MZT1: variants seen among roughly 807,000 people sequenced by gnomAD.
MZT1 encodes the protein mitotic spindle organizing protein 1.
A neutral mutation model predicts 8.5 loss-of-function variants in MZT1; 8 were observed. That is an observed-to-expected ratio of 0.94 (90% CI 0.55 to 1.70). The LOEUF is 1.70. Ranked by LOEUF, MZT1 falls within the 40% of genes most tolerant of loss-of-function variation. MZT1 has a pLI of 0.00. For synonymous variants in MZT1, 38 were observed against 42.0 expected, an observed-to-expected ratio of 0.90 and a Z score of 0.37; for missense variants, 93 against 108.6, an observed-to-expected ratio of 0.86 and a Z score of 0.64.
In MZT1 at chr13:72,708,372, C is replaced by T. The variant is rs1408915174; in HGVS notation, c.*1950G>A. The stretch of plus-strand genomic sequence containing the variant: ...AAAACAAAAGTACAGGCCAATACCA[C>T]CAAAATGGTTTTATTTTTGTCATTG... On this transcript the variant is annotated 3_prime_UTR_variant, in exon 3 of 3. Transcript: ENST00000377818. The T allele has an allele frequency of 6.6e-6, 1 of 152,342 alleles. No homozygotes were observed. Among genetic ancestry groups the T allele is most frequent in the African/African-American group, 2.4e-5 (1 of 41,346 alleles). 9.4% of individuals were successfully genotyped at this position (152,342 alleles called of 1,614,324 possible).
intron 1 of MZT1, among the ~76,000 whole-genome samples, chr13:72,723,380 C>T (rs927387394): frequency 2.0e-5 from 3 of 152,132 alleles, no homozygotes; most frequent in Non-Finnish European, 4.4e-5. Context: ...ACTCCTAATT[C>T]CAAAATCTGA....
At chr13:72,718,833 A>T in intron 2 of MZT1, 119 bp downstream of exon 2, 1 of 938,750 alleles carries the variant, frequency 1.1e-6, no homozygotes, top group Non-Finnish European at 1.5e-6. Context: ...CTGGTCTTCT[A>T]GTGGTGTTGC....
chr13:72,716,547 T>A (rs2032536819), intron 2 of MZT1, among the ~76,000 whole-genome samples: 1 of 152,124 alleles, frequency 6.6e-6, no homozygotes, highest in Non-Finnish European at 1.5e-5. Flanking sequence ...TTCTTAAAGG[T>A]AAGAAAAAAG....
chr13:72,719,830 AAC>A (rs1360841675), intron 1 of MZT1, among the ~76,000 whole-genome samples: 1 of 152,226 alleles, frequency 6.6e-6, no homozygotes, highest in East Asian at 1.9e-4. Flanking sequence ...GAGAAGCACA[AAC>A]AGAGAAACTT....
chr13:72,714,599 G>A (rs1452815879), intron 2 of MZT1, among the ~76,000 whole-genome samples: 1 of 152,212 alleles, frequency 6.6e-6, no homozygotes, highest in African/African-American at 2.4e-5. Context: ...ATGGTTTTAT[G>A]GGCCAGGCTC....
At chr13:72,719,149 A>G (rs1411660505) in intron 1 of MZT1, 52 bp from the exon 2 acceptor site, 2 of 1,386,780 alleles carry the variant, frequency 1.4e-6, no homozygotes, top group Non-Finnish European at 1.9e-6. Flanking sequence ...GCATTTAAAA[A>G]TATGCATATA....
chr13:72,726,306 C>A (rs974360337), intron 1 of MZT1, among the ~76,000 whole-genome samples: 1 of 152,132 alleles, frequency 6.6e-6, no homozygotes, highest in African/African-American at 2.4e-5. Context: ...TGGCGGGCAC[C>A]TGTAATCCCA....
chr13:72,724,523 C>T (rs1241192669), intron 1 of MZT1, among the ~76,000 whole-genome samples: 1 of 145,942 alleles, frequency 6.9e-6, no homozygotes, highest in Non-Finnish European at 1.5e-5. Flanking sequence ...TCTCTTAACT[C>T]CTTTCTCTAT....
chr13:72,712,041 A>T (rs970848278), intron 2 of MZT1, among the ~76,000 whole-genome samples: 36 of 152,108 alleles, frequency 2.4e-4, no homozygotes, highest in South Asian at 2.3e-3. Flanking sequence ...ATTTTTTTTT[A>T]AATTTTTTGT....
chr13:72,726,354 C>A (rs1168283040), intron 1 of MZT1, among the ~76,000 whole-genome samples: 1 of 152,014 alleles, frequency 6.6e-6, no homozygotes, highest in African/African-American at 2.4e-5. Flanking sequence ...TCGCCTGAAC[C>A]CGGGAGGCGG....
intron 2 of MZT1, among the ~76,000 whole-genome samples, chr13:72,711,952 T>C (rs2032492824): frequency 6.6e-6 from 1 of 152,214 alleles, no homozygotes; most frequent in South Asian, 2.1e-4. Flanking sequence ...AACACTTTTA[T>C]TTTTAAAATA....
At chr13:72,721,294 T>C (rs1423644192) in intron 1 of MZT1, among the ~76,000 whole-genome samples, 3 of 152,212 alleles carry the variant, frequency 2.0e-5, no homozygotes, top group East Asian at 1.9e-4. Context: ...CCCCTTATGA[T>C]TGAGGTAAGA....
chr13:72,711,367 T>C (rs750910581), intron 2 of MZT1, among the ~76,000 whole-genome samples: 6 of 152,174 alleles, frequency 3.9e-5, no homozygotes, highest in Non-Finnish European at 7.4e-5. Flanking sequence ...GAGTAACTTA[T>C]GTAATTAGGG....
chr13:72,727,390 G>A (rs2032684512), intron 1 of MZT1, 134 bp downstream of exon 1: 1 of 879,166 alleles, frequency 1.1e-6, no homozygotes, highest in Non-Finnish European at 1.9e-6. Context: ...GCCCTGGCAG[G>A]TCCCTACCAA....
At chr13:72,713,764 T>C (rs2032509405) in intron 2 of MZT1, among the ~76,000 whole-genome samples, 1 of 152,212 alleles carries the variant, frequency 6.6e-6, no homozygotes, top group Non-Finnish European at 1.5e-5. Flanking sequence ...AGGATTTCCT[T>C]TGAGTGTCAT....
intron 2 of MZT1, among the ~76,000 whole-genome samples, chr13:72,715,732 ACTCT>A (rs1222608888): frequency 6.6e-6 from 1 of 150,878 alleles, no homozygotes; most frequent in Non-Finnish European, 1.5e-5. Flanking sequence ...GTGGCACCTC[ACTCT>A]CTCCCTCTCT....
intron 2 of MZT1, among the ~76,000 whole-genome samples, chr13:72,711,420 C>T (rs2032487761): frequency 6.6e-6 from 1 of 152,002 alleles, no homozygotes; most frequent in Admixed American, 6.6e-5. Context: ...ACTTAGACCA[C>T]ATCAATATAC....
intron 1 of MZT1, among the ~76,000 whole-genome samples, chr13:72,720,846 C>T (rs888071334): frequency 1.3e-5 from 2 of 152,096 alleles, no homozygotes; most frequent in African/African-American, 4.8e-5. Flanking sequence ...CGAGATTGCG[C>T]CATTGCACTC....
intron 2 of MZT1, among the ~76,000 whole-genome samples, chr13:72,717,175 G>A (rs1178312331): frequency 6.6e-6 from 1 of 151,976 alleles, no homozygotes; most frequent in Non-Finnish European, 1.5e-5. Context: ...GTCCTTACTC[G>A]ATTGCTCATT....
Sources: gnomAD v4.1 joint callset for allele counts (sites outside exome capture counted in the v4.1 genomes callset) on GRCh38, gnomAD v4.1.1 for gene constraint, MANE v1.5 for transcripts, NCBI Gene and HGNC (gene_info 2026-07-23, HGNC 2026-07-21) for gene names.